Variants in BABAM1 observed in about 807,000 individuals in gnomAD.
BABAM1 encodes the protein BRISC and BRCA1 A complex member 1.
BABAM1 carries 14 observed loss-of-function variants against 34.4 expected under a neutral mutation model. That is an observed-to-expected ratio of 0.41 (90% CI 0.27 to 0.64). BABAM1 has a LOEUF of 0.64. BABAM1 is among the 30% of genes least tolerant of loss of function. BABAM1 has a pLI of 0.34. For synonymous variants in BABAM1, 169 were observed against 165.8 expected (o/e 1.02, Z -0.15); for missense variants, 393 against 434.0 (o/e 0.91, Z 0.84).
At chr19:17,273,553 TTG>T (rs72463650) in intron 3 of BABAM1, among the ~76,000 whole-genome samples, 44,346 of 78,524 alleles carry the variant, frequency 0.56, 9,326 homozygotes, top group Middle Eastern at 0.65. Context: ...AAGTTTTTTT[TTG>T]TTTGTTTTGT....
chr19:17,276,201 G>T lies in BABAM1; in HGVS notation c.570-294G>T, dbSNP rs76728543. ...GTCTCTACTAAAAATACAAAAATTA[G>T]CTGGCCACCTGTAATCCCAGCTACT... On this transcript the variant is annotated intron_variant, in intron 6 of 8. Transcript: ENST00000598188. Among the ~76,000 whole-genome samples the T allele has an allele frequency of 1.1e-3, 175 of 152,204 alleles. 5 individuals are homozygous for T. The East Asian group carries it at 0.028, about 24-fold the overall frequency.
At position 17,268,779 on chromosome 19, in the gene BABAM1, C is replaced by G; in HGVS notation, c.-13-15C>G. On this transcript the variant is annotated splice_polypyrimidine_tract_variant and intron_variant, in intron 1 of 8. Transcript: ENST00000598188. ...AGGGGAGGATTCTGGCTTCCCCTGT[C>G]CGTGTTCCATCTAGCCACACAGGAG... is the stretch of plus-strand genomic sequence containing the variant. 1 of 1,570,360 alleles carries G rather than the reference C, an allele frequency of 6.4e-7. No individual in the cohort carries two copies. Among genetic ancestry groups the G allele is most frequent in the Non-Finnish European group, 8.6e-7 (1 of 1,157,302 alleles).
intron 2 of BABAM1, among the ~76,000 whole-genome samples, chr19:17,270,936 C>T (rs371313726): frequency 7.3e-5 from 11 of 151,270 alleles, no homozygotes; most frequent in African/African-American, 2.2e-4. Flanking sequence ...GTGATCCTCC[C>T]GTCTCGGCCT....
Position 17,276,549 on chromosome 19 carries a change from A to T in BABAM1, c.624A>T (p.Pro208=), listed in dbSNP as rs1020875907. The change falls in exon 7 of 9, where the codon CCA becomes CCT. Residue 208 remains proline, a synonymous_variant. Transcript: ENST00000598188. ...AGAACGTGCAGACGATTCCCCCGCC[A>T]TATGTGGTCCGCACCATCCTTGTCT... ...VTENVQTIPP[P]YVVRTILVYS... is the part of the protein sequence containing the mutation. 3 of 1,605,508 alleles carry T rather than the reference A, an allele frequency of 1.9e-6. No individual in the cohort carries two copies. The highest frequency in any genetic ancestry group is 2.6e-6 in the Non-Finnish European group (3 of 1,176,372).
At position 17,274,086 on chromosome 19, in the gene BABAM1, G is replaced by C. The variant is rs768928109; in HGVS notation, c.466-21G>C. On this transcript the variant is annotated intron_variant, in intron 4 of 8. Coordinates refer to ENST00000598188, the MANE Select transcript of BABAM1 (RefSeq NM_014173.4). ...CCTGGGGCCCGGGGAGCATCGCACT[G>C]AGGCCTCTGCTTCCCTGCAGCTGTC... is the stretch of plus-strand genomic sequence containing the variant. The C allele has an allele frequency of 1.1e-5, 18 of 1,613,760 alleles. No individual in the cohort carries two copies. The South Asian group carries it at 1.9e-4, about 17-fold the overall frequency.
Position 17,274,132 on chromosome 19 carries a change from G to A in BABAM1, c.491G>A (p.Arg164His). ...CTGTCTGGCCTGACCTCCGACCCCC[G>A]CGAGCTCTGTAGCTGCCTCTATGAT... is the stretch of plus-strand genomic sequence containing the variant. ...AWLSGLTSDP[R>H]ELCSCLYDLE... is the part of the protein sequence containing the mutation. The change falls in exon 5 of 9, where the codon CGC (arginine) becomes CAC (histidine). Residue 164 changes from arginine (R) to histidine (H), a missense_variant. Coordinates refer to ENST00000598188, the MANE Select transcript of BABAM1 (RefSeq NM_014173.4). 6.2e-7 allele frequency: 1 copy of A among 1,613,642 alleles called. No homozygotes were observed. Among genetic ancestry groups the A allele is most frequent in the Non-Finnish European group, 8.5e-7 (1 of 1,179,872 alleles).
At position 17,274,118 on chromosome 19, in the gene BABAM1, G is replaced by A; in HGVS notation, c.477G>A (p.Leu159=). ...CTGCTTCCCTGCAGCTGTCTGGCCT[G>A]ACCTCCGACCCCCGCGAGCTCTGTA... ...VNDDTAWLSG[L]TSDPRELCSC... The change falls in exon 5 of 9, where the codon CTG becomes CTA. Residue 159 remains leucine, a synonymous_variant. Transcript: ENST00000598188. The A allele has an allele frequency of 3.7e-6, 6 of 1,613,698 alleles. No homozygotes were observed. Among genetic ancestry groups the A allele is most frequent in the Non-Finnish European group, 5.1e-6 (6 of 1,179,856 alleles).
intron 3 of BABAM1, among the ~76,000 whole-genome samples, chr19:17,273,564 G>GTTTTTTTTTTTTTTT (rs754203595): frequency 2.6e-4 from 12 of 45,938 alleles, no homozygotes; most frequent in South Asian, 6.4e-4. Context: ...TGTTTGTTTT[G>GTTTTTTTTTTTTTTT]TTTTTTTTTT....
intron 2 of BABAM1, among the ~76,000 whole-genome samples, chr19:17,269,959 T>C (rs2073819647): frequency 6.7e-6 from 1 of 149,244 alleles, no homozygotes; most frequent in Admixed American, 6.7e-5. Context: ...GGAGTCTCAC[T>C]CTGTTGCCCA....
intron 1 of BABAM1, among the ~76,000 whole-genome samples, chr19:17,268,368 G>A (rs1281583838): frequency 6.6e-6 from 1 of 151,796 alleles, no homozygotes; most frequent in Non-Finnish European, 1.5e-5. Context: ...GACTCCCTAA[G>A]AGGAGTGACT....
At position 17,270,458 on chromosome 19, in the gene BABAM1, A is replaced by T. The variant is rs536193754; in HGVS notation, c.286-1139A>T. ...TAAGGACACTTGTCATCAAAACAGG[A>T]TCTTATCTCAAGACCCTTACTTTAA... On this transcript the variant is annotated intron_variant, in intron 2 of 8. Coordinates refer to ENST00000598188, the MANE Select transcript of BABAM1 (RefSeq NM_014173.4). 2.6e-5 allele frequency among the ~76,000 whole-genome samples: 4 copies of T among 151,424 alleles called. No individual in the cohort carries two copies. In the South Asian group the frequency reaches 8.4e-4, roughly 32 times the overall value.
chr19:17,274,290 A>G, intron 5 of BABAM1, 105 bp downstream of exon 5: 1 of 1,407,614 alleles, frequency 7.1e-7, no homozygotes, highest in Non-Finnish European at 9.8e-7. Context: ...TGAGGTTCAG[A>G]TCTCAGATCT....
At chr19:17,271,794 C>T in intron 3 of BABAM1, 139 bp downstream of exon 3, 1 of 933,542 alleles carries the variant, frequency 1.1e-6, no homozygotes, top group Admixed American at 2.3e-5. Context: ...TAGCAAGAGC[C>T]AGGTGCAGTG....
Position 17,276,840 on chromosome 19 carries a change from A to C in BABAM1, c.717A>C (p.Pro239=). 3.1e-6 allele frequency: 5 copies of C among 1,605,284 alleles called. No individual in the cohort carries two copies. Among genetic ancestry groups the C allele is most frequent in the Non-Finnish European group, 4.3e-6 (5 of 1,175,870 alleles). Residue 239 remains proline (P), a synonymous_variant, in exon 8 of 9, where the codon CCA becomes CCC. Transcript: ENST00000598188. ...TEPMKKMFQC[P]YFFFDVVYIH... ...CCCTGCAGAAAATGTTCCAGTGCCC[A>C]TATTTCTTCTTTGACGTTGTTTACA... is the stretch of plus-strand genomic sequence containing the variant.
intron 1 of BABAM1, chr19:17,268,587 G>A: frequency 8.3e-6 from 4 of 483,868 alleles, no homozygotes; most frequent in Non-Finnish European, 3.6e-6. Flanking sequence ...GCGCCACCAC[G>A]CCCGGCTAAT....
intron 5 of BABAM1, among the ~76,000 whole-genome samples, chr19:17,275,596 G>A (rs1390817334): frequency 6.6e-6 from 1 of 152,144 alleles, no homozygotes; most frequent in Non-Finnish European, 1.5e-5. Flanking sequence ...GGCATACCAA[G>A]AGTCTTAAAG....
In BABAM1 at chr19:17,273,802, A is replaced by G. The variant is rs2073875008; in HGVS notation, c.345-102A>G. ...CTGGTGTTGAACTCCTGACCTCGTGATCCACCTGCCTCAGCCTCCCAAAGT... is the reference window on the plus strand; with the variant it reads ...CTGGTGTTGAACTCCTGACCTCGTGGTCCACCTGCCTCAGCCTCCCAAAGT... On this transcript the variant is annotated intron_variant, in intron 3 of 8. Transcript: ENST00000598188. 9.2e-6 allele frequency: 13 copies of G among 1,415,802 alleles called. No homozygotes were observed. The South Asian group carries it at 1.7e-4, about 19-fold the overall frequency. 87.7% of individuals were successfully genotyped at this position (1,415,802 alleles called of 1,614,324 possible).
rs775834500 is a variant in BABAM1, at chr19:17,276,534, G to C, written c.609G>C (p.Gln203His). The change falls in exon 7 of 9, where the codon CAG becomes CAC. Residue 203 changes from glutamine to histidine, a missense_variant. By Grantham distance (24) the Gln-to-His change is conservative. Coordinates refer to ENST00000598188, the MANE Select transcript of BABAM1 (RefSeq NM_014173.4). Reference protein sequence around the residue: ...KTELPVTENVQTIPPPYVVRT... With the variant: ...KTELPVTENVHTIPPPYVVRT... Reference sequence around the variant, plus strand: ...AGCTTCCGGTCACAGAGAACGTGCAGACGATTCCCCCGCCATATGTGGTCC... The same window carrying C: ...AGCTTCCGGTCACAGAGAACGTGCACACGATTCCCCCGCCATATGTGGTCC... The C allele has an allele frequency of 1.9e-6, 3 of 1,593,862 alleles. No homozygotes were observed. Among genetic ancestry groups the C allele is most frequent in the Non-Finnish European group, 2.6e-6 (3 of 1,170,408 alleles).
Position 17,276,899 on chromosome 19 carries a change from T to A in BABAM1, c.776T>A (p.Met259Lys). The A allele has an allele frequency of 6.3e-7, 1 of 1,597,588 alleles. No individual in the cohort carries two copies. The highest frequency in any genetic ancestry group is 8.5e-7 in the Non-Finnish European group (1 of 1,172,008). Residue 259 changes from methionine (M) to lysine (K), a missense_variant, in exon 8 of 9, where the codon ATG (methionine) becomes AAG (lysine). Physicochemically the swap from Met to Lys is moderately conservative, Grantham distance 95 (BLOSUM62 -1). Coordinates refer to ENST00000598188, the MANE Select transcript of BABAM1 (RefSeq NM_014173.4). ...GGCACTGAGGAGAAGGAGGAGGAGA[T>A]GAGTTGGAAGGTGAGAGGCTGCAGC... is the stretch of plus-strand genomic sequence containing the variant. ...HNGTEEKEEE[M>K]SWKDMFAFMG...
Sources: allele counts gnomAD v4.1 joint callset (sites outside exome capture counted in the v4.1 genomes callset), GRCh38; gene constraint gnomAD v4.1.1; transcripts MANE v1.5; gene names NCBI Gene and HGNC (gene_info 2026-07-23, HGNC 2026-07-21).